PIK3CB: variants seen among roughly 807,000 people sequenced by gnomAD.
The protein encoded by PIK3CB is phosphatidylinositol 4,5-bisphosphate 3-kinase catalytic subunit beta isoform.
PIK3CB carries 39 observed loss-of-function variants against 136.8 expected under a neutral mutation model. That is an observed-to-expected ratio of 0.29 (90% CI 0.22 to 0.37). The LOEUF (loss-of-function observed/expected upper bound fraction) is 0.37, where lower values mean the gene tolerates loss of function less well. Ranked by LOEUF, PIK3CB falls within the 10% of genes least tolerant of loss-of-function variation. PIK3CB has a pLI of 1.00. For missense variants in PIK3CB, 868 were observed against 1,275.4 expected (o/e 0.68, Z 4.87); for synonymous variants, 428 against 436.6 (o/e 0.98, Z 0.25).
intron 2 of PIK3CB, among the ~76,000 whole-genome samples, chr3:138,761,982 T>C (rs1348751048): frequency 6.7e-6 from 1 of 150,262 alleles, no homozygotes; most frequent in Non-Finnish European, 1.5e-5. Context: ...CACGGTGGCT[T>C]ATGCCTGTAA....
chr3:138,725,477 T>TA (rs1247317914), intron 8 of PIK3CB, among the ~76,000 whole-genome samples: 1 of 152,242 alleles, frequency 6.6e-6, no homozygotes, highest in Non-Finnish European at 1.5e-5. Context: ...GCACAAATGT[T>TA]AGACTTTCTA....
At chr3:138,728,529 G>C (rs1280161520) in intron 8 of PIK3CB, among the ~76,000 whole-genome samples, 1 of 152,150 alleles carries the variant, frequency 6.6e-6, no homozygotes, top group Non-Finnish European at 1.5e-5. Context: ...TGTAATCACA[G>C]CACTTTGGGA....
intron 1 of PIK3CB, among the ~76,000 whole-genome samples, chr3:138,829,360 A>G (rs1281902073): frequency 6.6e-6 from 1 of 152,206 alleles, no homozygotes; most frequent in African/African-American, 2.4e-5. Context: ...GAATAAGTAA[A>G]AATCACTCCG....
intron 2 of PIK3CB, among the ~76,000 whole-genome samples, chr3:138,761,291 A>C (rs2045659100): frequency 6.6e-6 from 1 of 152,238 alleles, no homozygotes; most frequent in Non-Finnish European, 1.5e-5. Flanking sequence ...AAAAAAGTTA[A>C]ATACTTCAAG....
rs1433800183 is a variant in PIK3CB, at chr3:138,826,015, C to T, written c.-122+8680G>A. On this transcript the variant is annotated intron_variant, in intron 1 of 23. Coordinates refer to ENST00000674063, the MANE Select transcript of PIK3CB (RefSeq NM_006219.3). ...CAGGCCAAATCAGTGCTGGCTATGC[C>T]ACTGTACTGGATTGTCACACAGCTT... 5.6e-6 allele frequency: 8 copies of T among 1,434,606 alleles called. No individual in the cohort carries two copies. In the East Asian group the frequency reaches 1.8e-4, roughly 33 times the overall value. The allele number at this position is 1,434,606 out of a possible 1,614,324, so 88.9% of individuals were successfully genotyped here.
chr3:138,711,096 G>C (rs2044487894), intron 10 of PIK3CB, among the ~76,000 whole-genome samples: 1 of 150,126 alleles, frequency 6.7e-6, no homozygotes, highest in Non-Finnish European at 1.5e-5. Flanking sequence ...AAAAAAAAAA[G>C]TGTTTTTACT....
chr3:138,674,985 G>A lies in PIK3CB; in HGVS notation c.2504+6982C>T, dbSNP rs148086237. ...GAGGTGGAGAATCGTTTGAACCTGG[G>A]AGGTGGAGGTGTCAGTGAGCCGAGA... On this transcript the variant is annotated intron_variant, in intron 19 of 23. Transcript: ENST00000674063. Among the ~76,000 whole-genome samples, 580 of 152,242 alleles carry A rather than the reference G, an allele frequency of 3.8e-3. 5 individuals carry two copies. Among genetic ancestry groups the A allele is most frequent in the African/African-American group, 0.013 (557 of 41,546 alleles).
At chr3:138,803,327 T>A (rs1033700097) in intron 1 of PIK3CB, among the ~76,000 whole-genome samples, 3 of 152,214 alleles carry the variant, frequency 2.0e-5, no homozygotes, top group African/African-American at 4.8e-5. Flanking sequence ...ATGTATATTT[T>A]AAATTTTGTC....
intron 19 of PIK3CB, among the ~76,000 whole-genome samples, chr3:138,667,276 G>C (rs925825312): frequency 6.6e-6 from 1 of 151,482 alleles, no homozygotes; most frequent in African/African-American, 2.4e-5. Flanking sequence ...GAGAGCACAA[G>C]GGGGAGCACA....
intron 1 of PIK3CB, among the ~76,000 whole-genome samples, chr3:138,823,735 A>C (rs1933662412): frequency 6.6e-6 from 1 of 152,144 alleles, no homozygotes; most frequent in Admixed American, 6.6e-5. Context: ...TTTTAAAATA[A>C]AAAAACTATC....
chr3:138,727,445 G>A (rs2044863856), intron 8 of PIK3CB, among the ~76,000 whole-genome samples: 1 of 152,202 alleles, frequency 6.6e-6, no homozygotes, highest in Non-Finnish European at 1.5e-5. Flanking sequence ...TTAAAAGTTA[G>A]ACAGGGCCAC....
At chr3:138,777,625 A>T (rs1374753855) in intron 2 of PIK3CB, among the ~76,000 whole-genome samples, 2 of 152,180 alleles carry the variant, frequency 1.3e-5, no homozygotes, top group Non-Finnish European at 2.9e-5. Flanking sequence ...GAGCATAATA[A>T]AATGAATGTT....
chr3:138,773,128 C>T (rs2045819670), intron 2 of PIK3CB, among the ~76,000 whole-genome samples: 1 of 151,798 alleles, frequency 6.6e-6, no homozygotes. Flanking sequence ...AGCCCAGGCA[C>T]GGTGGCTCAC....
chr3:138,830,983 T>A (rs1934006870), intron 1 of PIK3CB, among the ~76,000 whole-genome samples: 1 of 147,760 alleles, frequency 6.8e-6, no homozygotes, highest in Non-Finnish European at 1.5e-5. Flanking sequence ...CAGTTAAGTA[T>A]TTTATTTATT....
Position 138,817,324 on chromosome 3 carries a change from G to A in PIK3CB, c.-122+17371C>T, listed in dbSNP as rs182528091. On this transcript the variant is annotated intron_variant, in intron 1 of 23. Transcript: ENST00000674063. ...ACTGCACTCCAGCCTGGGCGACAGCGAGACTCCATCTCAAAAAACACAAAA... is the reference window on the plus strand; with the variant it reads ...ACTGCACTCCAGCCTGGGCGACAGCAAGACTCCATCTCAAAAAACACAAAA... Among the ~76,000 whole-genome samples the A allele has an allele frequency of 2.4e-3, 364 of 151,726 alleles. 1 individual carries two copies. The highest frequency in any genetic ancestry group is 3.3e-3 in the Non-Finnish European group (221 of 67,916).
intron 21 of PIK3CB, among the ~76,000 whole-genome samples, chr3:138,663,526 C>T (rs1041871268): frequency 3.3e-5 from 5 of 152,012 alleles, no homozygotes; most frequent in East Asian, 1.9e-4. Flanking sequence ...GGATTACAGG[C>T]GCCTGCCACC....
chr3:138,704,382 A>C, intron 12 of PIK3CB, 61 bp downstream of exon 12: 1 of 1,116,592 alleles, frequency 9.0e-7, no homozygotes, highest in East Asian at 2.3e-5. Context: ...TATGAGGCAA[A>C]GATACCTAAT....
At chr3:138,752,927 AG>A (rs1328775150) in intron 4 of PIK3CB, among the ~76,000 whole-genome samples, 36 of 152,216 alleles carry the variant, frequency 2.4e-4, no homozygotes, top group African/African-American at 8.4e-4. Context: ...TGGCAGGCAT[AG>A]GAAGAGGTAA....
At chr3:138,821,145 C>T (rs542527673) in intron 1 of PIK3CB, among the ~76,000 whole-genome samples, 58 of 151,784 alleles carry the variant, frequency 3.8e-4, no homozygotes, top group African/African-American at 1.3e-3. Context: ...ATTAGCTGGG[C>T]GTGGTGGTGC....
Sources: allele counts gnomAD v4.1 joint callset (sites outside exome capture counted in the v4.1 genomes callset), GRCh38; gene constraint gnomAD v4.1.1; transcripts MANE v1.5; gene names NCBI Gene and HGNC (gene_info 2026-07-23, HGNC 2026-07-21).